Variants in GLIS3 observed in about 807,000 individuals in gnomAD.
GLIS3 encodes zinc finger protein GLIS3.
Under a neutral mutation model 78.6 loss-of-function variants are expected in GLIS3, and 53 were observed. That is an observed-to-expected ratio of 0.67 (90% confidence interval 0.54 to 0.85). The LOEUF is 0.85. Ranked by LOEUF, GLIS3 falls within the 40% of genes least tolerant of loss-of-function variation. The pLI is 0.00. For missense variants in GLIS3, 1,703 were observed against 1,231.1 expected (o/e 1.38, Z -5.74); for synonymous variants, 684 against 509.9 (o/e 1.34, Z -4.60).
chr9:4,409,829 C>T, the GLIS3 span, among the ~76,000 whole-genome samples: 1 of 152,180 alleles, frequency 6.6e-6, no homozygotes. Flanking sequence ...CCTGGACTTG[C>T]TTGTTATTGG....
intron 4 of GLIS3, among the ~76,000 whole-genome samples, chr9:4,087,557 T>C (rs1829139082): frequency 6.6e-6 from 1 of 152,040 alleles, no homozygotes; most frequent in Non-Finnish European, 1.5e-5. Flanking sequence ...AACCCCATGA[T>C]ATGGAGAAAA....
intron 8 of GLIS3, among the ~76,000 whole-genome samples, chr9:3,857,359 G>A (rs1819862524): frequency 6.6e-6 from 1 of 152,188 alleles, no homozygotes; most frequent in Non-Finnish European, 1.5e-5. Flanking sequence ...CTTTTGTGGA[G>A]GGCCATAGAT....
At chr9:4,193,316 C>T (rs988974335) in intron 2 of GLIS3, among the ~76,000 whole-genome samples, 9 of 152,170 alleles carry the variant, frequency 5.9e-5, no homozygotes, top group African/African-American at 1.9e-4. Context: ...TAAAGTTGTA[C>T]TGAAACACAG....
chr9:3,855,148 T>G (rs1321337179), intron 9 of GLIS3, among the ~76,000 whole-genome samples: 2 of 152,202 alleles, frequency 1.3e-5, no homozygotes, highest in Admixed American at 1.3e-4. Flanking sequence ...GACTTGGCAA[T>G]TCAACTTTCT....
intron 2 of GLIS3, among the ~76,000 whole-genome samples, chr9:4,166,659 C>G (rs1350506567): frequency 6.6e-6 from 1 of 152,156 alleles, no homozygotes; most frequent in Non-Finnish European, 1.5e-5. Flanking sequence ...TTCCAGTTGG[C>G]ACTATTTATG....
chr9:4,199,017 G>A (rs1193980379), intron 2 of GLIS3, among the ~76,000 whole-genome samples: 2 of 152,112 alleles, frequency 1.3e-5, no homozygotes, highest in Non-Finnish European at 2.9e-5. Context: ...AAGCCCTAAG[G>A]GAATTCACCA....
chr9:3,827,850 G>A lies in GLIS3; in HGVS notation c.*422C>T. Reference sequence around the variant, plus strand: ...TTTGCATCAGGAGCAGCAAGGGTGAGGATTAGGTGAGGCAGGTCACTATGC... The same window carrying A: ...TTTGCATCAGGAGCAGCAAGGGTGAAGATTAGGTGAGGCAGGTCACTATGC... On this transcript the variant is annotated 3_prime_UTR_variant, in exon 11 of 11. Transcript: ENST00000381971. 1 of 282,726 alleles carries A rather than the reference G, an allele frequency of 3.5e-6. No homozygotes were observed. Among genetic ancestry groups the A allele is most frequent in the South Asian group, 3.8e-5 (1 of 26,114 alleles). The allele number at this position is 282,726 out of a possible 1,614,324, so 17.5% of individuals were successfully genotyped here. A position where few individuals can be genotyped will look rare whatever the true frequency, so the allele number is the denominator to read the frequency against.
At chr9:4,329,126 G>C (rs1483511551) in intron 2 of GLIS3, among the ~76,000 whole-genome samples, 1 of 152,082 alleles carries the variant, frequency 6.6e-6, no homozygotes, top group Non-Finnish European at 1.5e-5. Flanking sequence ...CTGCCGACTT[G>C]GGCAGCTGTG....
chr9:4,074,292 C>T (rs1827873304), intron 4 of GLIS3, among the ~76,000 whole-genome samples: 1 of 152,164 alleles, frequency 6.6e-6, no homozygotes, highest in Non-Finnish European at 1.5e-5. Flanking sequence ...GACTTGGTGT[C>T]CTCATCATCT....
At chr9:3,902,172 G>A (rs1313032501) in intron 6 of GLIS3, among the ~76,000 whole-genome samples, 1 of 152,124 alleles carries the variant, frequency 6.6e-6, no homozygotes, top group Non-Finnish European at 1.5e-5. Flanking sequence ...GAGTTAATTT[G>A]GTTTTCTCTG....
At chr9:3,936,948 C>T in intron 5 of GLIS3, 80 bp downstream of exon 5, 3 of 1,583,388 alleles carry the variant, frequency 1.9e-6, no homozygotes, top group Admixed American at 3.3e-5. Flanking sequence ...AAAGCAAACA[C>T]TTCACCAGCC....
intron 2 of GLIS3, 160 bp downstream of exon 2, chr9:4,285,878 C>T (rs1827943029): frequency 2.4e-6 from 2 of 839,054 alleles, no homozygotes; most frequent in Non-Finnish European, 3.9e-6. Flanking sequence ...CACATACACA[C>T]CCATTCCCTT....
intron 7 of GLIS3, among the ~76,000 whole-genome samples, chr9:3,898,035 C>G (rs1250793951): frequency 1.3e-5 from 2 of 152,180 alleles, no homozygotes; most frequent in East Asian, 1.9e-4. Flanking sequence ...ATCACCATTA[C>G]AGAGAGTAGA....
At chr9:4,473,603 A>T in the GLIS3 span, among the ~76,000 whole-genome samples, 1 of 152,174 alleles carries the variant, frequency 6.6e-6, no homozygotes, top group Non-Finnish European at 1.5e-5. Flanking sequence ...GAACACATGG[A>T]CACATAGAAG....
rs73384245 is a variant in GLIS3, at chr9:3,875,403, C to A, written c.2297+4024G>T. Among the ~76,000 whole-genome samples, 417 of 152,082 alleles carry A rather than the reference C, an allele frequency of 2.7e-3. 4 individuals are homozygous for A. The highest frequency in any genetic ancestry group is 8.7e-3 in the African/African-American group (361 of 41,508). On this transcript the variant is annotated intron_variant, in intron 8 of 10. Coordinates refer to ENST00000381971, the MANE Select transcript of GLIS3 (RefSeq NM_001042413.2). Reference sequence around the variant, plus strand: ...CGCTAACTGGGTAGATGTGGTGGACCTTTCCTGACTTCTGACAGTGACTCA... The same window carrying A: ...CGCTAACTGGGTAGATGTGGTGGACATTTCCTGACTTCTGACAGTGACTCA...
At chr9:4,171,826 C>A (rs1347257336) in intron 2 of GLIS3, among the ~76,000 whole-genome samples, 2 of 152,206 alleles carry the variant, frequency 1.3e-5, no homozygotes, top group East Asian at 3.9e-4. Flanking sequence ...AATACTCAAA[C>A]GTCAAATTGG....
intron 4 of GLIS3, among the ~76,000 whole-genome samples, chr9:4,013,620 G>A (rs1253309107): frequency 6.6e-6 from 1 of 152,190 alleles, no homozygotes; most frequent in Non-Finnish European, 1.5e-5. Flanking sequence ...TAGAACACAG[G>A]AGGGCTCAAG....
At chr9:3,832,092 C>G (rs1358911816) in intron 9 of GLIS3, among the ~76,000 whole-genome samples, 2 of 151,432 alleles carry the variant, frequency 1.3e-5, no homozygotes, top group Admixed American at 1.3e-4. Context: ...TTCTTGGTGC[C>G]TCAGTTTTCC....
At chr9:4,388,408 G>C in the GLIS3 span, among the ~76,000 whole-genome samples, 1 of 152,082 alleles carries the variant, frequency 6.6e-6, no homozygotes, top group Non-Finnish European at 1.5e-5. Flanking sequence ...GCCAGGTGTG[G>C]TGGCTCACGC....
Sources: gnomAD v4.1 joint callset for allele counts (sites outside exome capture counted in the v4.1 genomes callset) on GRCh38, gnomAD v4.1.1 for gene constraint, MANE v1.5 for transcripts, NCBI Gene and HGNC (gene_info 2026-07-23, HGNC 2026-07-21) for gene names.